PRKCE: variants seen among roughly 807,000 people sequenced by gnomAD.
The protein encoded by PRKCE is protein kinase C epsilon type.
PRKCE carries 16 observed loss-of-function variants against 85.4 expected under a neutral mutation model. The ratio of observed to expected loss-of-function variants is 0.19; its 90% confidence interval spans 0.13 to 0.28. PRKCE has a LOEUF of 0.28. Ranked by LOEUF, PRKCE falls within the 10% of genes least tolerant of loss-of-function variation. The pLI is 1.00. For synonymous variants in PRKCE, 388 were observed against 371.5 expected, an observed-to-expected ratio of 1.04 and a Z score of -0.51; for missense variants, 573 against 975.2, an observed-to-expected ratio of 0.59 and a Z score of 5.49.
In PRKCE at chr2:46,185,057, G is replaced by A; in HGVS notation, c.*176G>A. ...AGGCCACCTCCTCCCCCTCCCACCT[G>A]GTGACCAGAAGGCGCTCTCGGTTCT... is the stretch of plus-strand genomic sequence containing the variant. On this transcript the variant is annotated 3_prime_UTR_variant, in exon 15 of 15. Transcript: ENST00000306156. This position sits in a 1 kb window ranked among gnomAD's most constrained non-coding sequence, Gnocchi z 4.7. The A allele has an allele frequency of 2.4e-6, 2 of 839,210 alleles. No homozygotes were observed. Among genetic ancestry groups the A allele is most frequent in the African/African-American group, 1.7e-5 (1 of 58,250 alleles). The allele number at this position is 839,210 out of a possible 1,614,324, so 52.0% of individuals were successfully genotyped here.
intron 10 of PRKCE, among the ~76,000 whole-genome samples, chr2:46,057,105 G>A (rs1666658542): frequency 6.6e-6 from 1 of 152,172 alleles, no homozygotes; most frequent in Non-Finnish European, 1.5e-5. Context: ...CCTGACTCGG[G>A]CTTCCTCATA....
chr2:46,145,751 C>G lies in PRKCE; in HGVS notation c.1731+520C>G, dbSNP rs756524098. Among the ~76,000 whole-genome samples the G allele has an allele frequency of 9.9e-5, 15 of 151,926 alleles. No individual in the cohort carries two copies. Among genetic ancestry groups the G allele is most frequent in the Non-Finnish European group, 2.1e-4 (14 of 67,996 alleles). On this transcript the variant is annotated intron_variant, in intron 12 of 14. Coordinates refer to ENST00000306156, the MANE Select transcript of PRKCE (RefSeq NM_005400.3). This position sits in a 1 kb window ranked among gnomAD's most constrained non-coding sequence, Gnocchi z 4.6. ...GGCATAGTGGTGCAAACCTGTAGTC[C>G]CAGCTACTTGGGAGGCTGAGGTGAA...
intron 8 of PRKCE, 25 bp from the exon 9 acceptor site, chr2:46,007,437 A>C: frequency 6.3e-7 from 1 of 1,598,254 alleles, no homozygotes; most frequent in Non-Finnish European, 8.5e-7. Context: ...GCACTAATGC[A>C]ATTTCTTGTT....
chr2:45,766,117 CA>C (rs1414195549), intron 1 of PRKCE, among the ~76,000 whole-genome samples: 2 of 152,116 alleles, frequency 1.3e-5, no homozygotes. Context: ...GGCAGGTACC[CA>C]AGTTTATCTG....
At chr2:45,744,182 C>T (rs1369840927) in intron 1 of PRKCE, among the ~76,000 whole-genome samples, 1 of 152,138 alleles carries the variant, frequency 6.6e-6, no homozygotes, top group African/African-American at 2.4e-5. Context: ...TGTCATGAGA[C>T]ATAATAGATA....
intron 3 of PRKCE, 62 bp from the exon 4 acceptor site, chr2:45,978,914 T>A: frequency 6.5e-7 from 1 of 1,527,360 alleles, no homozygotes. Context: ...GTGGTTTTTC[T>A]GTTTGTTTTT....
intron 11 of PRKCE, among the ~76,000 whole-genome samples, chr2:46,097,999 A>G (rs145238647): frequency 6.6e-6 from 1 of 152,346 alleles, no homozygotes; most frequent in East Asian, 1.9e-4. Flanking sequence ...GCTTAGAAGT[A>G]GAATTCTGAC....
chr2:46,156,551 A>G (rs1303857605), intron 13 of PRKCE, among the ~76,000 whole-genome samples: 1 of 152,244 alleles, frequency 6.6e-6, no homozygotes, highest in Non-Finnish European at 1.5e-5. Flanking sequence ...TTCACCGATG[A>G]GTACAGGGCA....
chr2:45,757,592 A>G (rs1025325460), intron 1 of PRKCE, among the ~76,000 whole-genome samples: 1 of 152,180 alleles, frequency 6.6e-6, no homozygotes, highest in Admixed American at 6.5e-5. Context: ...ATTTGAGCCC[A>G]GGAGTTAGAG....
At chr2:45,927,205 TG>T (rs200530454) in intron 2 of PRKCE, among the ~76,000 whole-genome samples, 20 of 151,696 alleles carry the variant, frequency 1.3e-4, no homozygotes, top group African/African-American at 2.7e-4. Context: ...TGAGTGTGCA[TG>T]GGGGGGGTGT....
chr2:45,970,612 G>A (rs1702046166), intron 2 of PRKCE, among the ~76,000 whole-genome samples: 1 of 152,140 alleles, frequency 6.6e-6, no homozygotes, highest in East Asian at 1.9e-4. Flanking sequence ...ATGAGCTCTG[G>A]GTAGCTCCTG....
At chr2:45,689,685 C>T (rs1364032237) in intron 1 of PRKCE, among the ~76,000 whole-genome samples, 1 of 151,910 alleles carries the variant, frequency 6.6e-6, no homozygotes, top group Non-Finnish European at 1.5e-5. Context: ...CGAGGGAGGT[C>T]AGGCATTTGA....
rs1402265067 is a variant in PRKCE at position 45,765,120 on chromosome 2, AGGAAACG to A, written c.349-77879_349-77873del. On this transcript the variant is annotated intron_variant, in intron 1 of 14. Coordinates refer to ENST00000306156, the MANE Select transcript of PRKCE (RefSeq NM_005400.3). ...TCAGCAAATCTTCAAGTCTGGATGG[AGGAAACG>A]CTTTACCCTTAATACGTTCTTAAGC... 5.3e-5 allele frequency among the ~76,000 whole-genome samples: 8 copies of A among 152,324 alleles called. No homozygotes were observed. In the East Asian group the frequency reaches 1.5e-3, roughly 29 times the overall value.
intron 11 of PRKCE, among the ~76,000 whole-genome samples, chr2:46,143,841 G>A (rs918376953): frequency 4.6e-5 from 7 of 152,212 alleles, no homozygotes; most frequent in Admixed American, 6.5e-5. Flanking sequence ...AAGTGGAAAC[G>A]GGGTCGTGGC....
chr2:45,998,163 GTTGA>G (rs1704370153), intron 6 of PRKCE, among the ~76,000 whole-genome samples: 1 of 151,790 alleles, frequency 6.6e-6, no homozygotes, highest in South Asian at 2.1e-4. Context: ...GTTATATTCA[GTTGA>G]TTAATGTTGC....
At chr2:45,788,995 A>G (rs1686830864) in intron 1 of PRKCE, among the ~76,000 whole-genome samples, 1 of 152,212 alleles carries the variant, frequency 6.6e-6, no homozygotes, top group Admixed American at 6.5e-5. Context: ...GATGTGTCCC[A>G]TGCATTTTAA....
chr2:46,005,295 G>T (rs1038319620), intron 8 of PRKCE, among the ~76,000 whole-genome samples: 4 of 152,164 alleles, frequency 2.6e-5, no homozygotes, highest in African/African-American at 9.7e-5. Flanking sequence ...AGCCATCCGA[G>T]AATGATGAGG....
At chr2:45,884,986 TATATATATATATA>T (rs1258599462) in intron 2 of PRKCE, among the ~76,000 whole-genome samples, 18 of 87,954 alleles carry the variant, frequency 2.0e-4, no homozygotes, top group East Asian at 7.6e-4. Flanking sequence ...TATATATATA[TATATATATATATA>T]TATTTGTTGT....
intron 11 of PRKCE, among the ~76,000 whole-genome samples, chr2:46,096,800 T>C (rs1338762604): frequency 6.6e-6 from 1 of 152,212 alleles, no homozygotes; most frequent in African/African-American, 2.4e-5. Context: ...TTACTAACTG[T>C]GTAATGCTGG....
Sources: gnomAD v4.1 joint callset for allele counts (sites outside exome capture counted in the v4.1 genomes callset) on GRCh38, gnomAD v4.1.1 for gene constraint, Gnocchi (gnomAD v3.1) non-coding constraint, MANE v1.5 for transcripts, NCBI Gene and HGNC (gene_info 2026-07-23, HGNC 2026-07-21) for gene names.